Variants in ARSB observed in about 807,000 individuals in gnomAD.
ARSB encodes N-acetylgalactosamine-4-sulfatase.
A neutral mutation model predicts 50.9 loss-of-function variants in ARSB; 41 were observed. The ratio of observed to expected loss-of-function variants is 0.81; its 90% CI spans 0.63 to 1.04. The LOEUF (loss-of-function observed/expected upper bound fraction) is 1.04. ARSB is among the 50% of genes least tolerant of loss of function. ARSB has a pLI of 0.00. For missense variants in ARSB, 672 were observed against 693.3 expected (o/e 0.97, Z 0.35); for synonymous variants, 269 against 284.8 (o/e 0.94, Z 0.56).
At chr5:78,881,097 T>C (rs1211992481) in intron 5 of ARSB, among the ~76,000 whole-genome samples, 5 of 152,132 alleles carry the variant, frequency 3.3e-5, no homozygotes, top group Non-Finnish European at 7.3e-5. Context: ...CTGGGTATGT[T>C]GATGCATACC....
At chr5:78,952,278 A>G (rs565739836) in intron 4 of ARSB, among the ~76,000 whole-genome samples, 4 of 152,292 alleles carry the variant, frequency 2.6e-5, no homozygotes, top group Non-Finnish European at 5.9e-5. Context: ...ATATTTTTCC[A>G]TTCTCAAATA....
chr5:78,869,155 T>G (rs1223056009), intron 5 of ARSB, among the ~76,000 whole-genome samples: 7 of 139,834 alleles, frequency 5.0e-5, no homozygotes, highest in Non-Finnish European at 7.7e-5. Context: ...GCACCCAGAT[T>G]CATAAAGCAA....
At chr5:78,927,674 C>G (rs1750115554) in intron 4 of ARSB, among the ~76,000 whole-genome samples, 1 of 152,200 alleles carries the variant, frequency 6.6e-6, no homozygotes, top group African/African-American at 2.4e-5. Flanking sequence ...TCTGATGCCA[C>G]ACTAGCTTGG....
intron 5 of ARSB, among the ~76,000 whole-genome samples, chr5:78,855,830 AT>A (rs1366720911): frequency 2.0e-5 from 3 of 152,078 alleles, no homozygotes; most frequent in African/African-American, 4.8e-5. Context: ...CTCCTAGTTC[AT>A]TCCCAGCTGC....
intron 5 of ARSB, among the ~76,000 whole-genome samples, chr5:78,846,311 C>T (rs1202828966): frequency 2.0e-5 from 3 of 152,090 alleles, no homozygotes; most frequent in African/African-American, 7.2e-5. Flanking sequence ...TGAAACCTGG[C>T]AGTGTGATGC....
intron 1 of ARSB, 86 bp from the exon 2 acceptor site, chr5:78,969,278 C>T (rs1345758481): frequency 5.5e-5 from 77 of 1,395,530 alleles, no homozygotes; most frequent in Non-Finnish European, 7.7e-5. Context: ...CCTTACTGAT[C>T]ATATCTGTTG....
At chr5:78,900,712 C>A (rs538791550) in intron 4 of ARSB, among the ~76,000 whole-genome samples, 2 of 152,194 alleles carry the variant, frequency 1.3e-5, no homozygotes, top group South Asian at 4.1e-4. Flanking sequence ...TGAAATCCTG[C>A]ATTCCTTGAT....
intron 5 of ARSB, among the ~76,000 whole-genome samples, chr5:78,849,181 G>A (rs1341303574): frequency 1.3e-5 from 2 of 151,858 alleles, no homozygotes; most frequent in South Asian, 2.1e-4. Context: ...TTTTCTTCTC[G>A]GGTTTTTATG....
chr5:78,868,240 A>G (rs946366889), intron 5 of ARSB, among the ~76,000 whole-genome samples: 28 of 135,574 alleles, frequency 2.1e-4, no homozygotes, highest in African/African-American at 5.2e-4. Flanking sequence ...AACACTCTGC[A>G]GGATATTATC....
chr5:78,927,782 C>T (rs958882840), intron 4 of ARSB, among the ~76,000 whole-genome samples: 1 of 152,100 alleles, frequency 6.6e-6, no homozygotes, highest in African/African-American at 2.4e-5. Context: ...AACCTGTTAT[C>T]TAAATTGCCT....
At position 78,968,918 on chromosome 5, in the gene ARSB, G is replaced by T. The variant is rs899429776; in HGVS notation, c.499+88C>A. ...GATTCACTCTGTGTTCAAATATCCAGTTCTTTCATTTGATTGCACTTGGGT... is the reference window on the plus strand; with the variant it reads ...GATTCACTCTGTGTTCAAATATCCATTTCTTTCATTTGATTGCACTTGGGT... On this transcript the variant is annotated intron_variant, in intron 2 of 7. Coordinates refer to ENST00000264914, the MANE Select transcript of ARSB (RefSeq NM_000046.5). 6 of 1,433,928 alleles carry T rather than the reference G, an allele frequency of 4.2e-6. No individual in the cohort carries two copies. The East Asian group carries it at 1.1e-4, about 27-fold the overall frequency. 88.8% of individuals were successfully genotyped at this position (1,433,928 alleles called of 1,614,324 possible).
rs181041870 is a variant in ARSB, at chr5:78,967,632, C to T, written c.499+1374G>A. Among the ~76,000 whole-genome samples the T allele has an allele frequency of 3.0e-3, 445 of 149,178 alleles. 1 individual carries two copies. Among genetic ancestry groups the T allele is most frequent in the African/African-American group, 9.8e-3 (396 of 40,378 alleles). ...AGGTTGCAGTGAGCCGAGATCATGACACAGCACTCCAGCCTGGGCAACAGA... is the reference window on the plus strand; with the variant it reads ...AGGTTGCAGTGAGCCGAGATCATGATACAGCACTCCAGCCTGGGCAACAGA... On this transcript the variant is annotated intron_variant, in intron 2 of 7. Transcript: ENST00000264914.
At chr5:78,818,634 CAG>C (rs1458426001) in intron 6 of ARSB, among the ~76,000 whole-genome samples, 24 of 98,998 alleles carry the variant, frequency 2.4e-4, no homozygotes, top group South Asian at 3.6e-4. Flanking sequence ...TTTTTTGAGA[CAG>C]AGTCTCGCTC....
At chr5:78,857,771 C>T (rs938054890) in intron 5 of ARSB, among the ~76,000 whole-genome samples, 1 of 152,122 alleles carries the variant, frequency 6.6e-6, no homozygotes, top group Non-Finnish European at 1.5e-5. Context: ...ATCTTGTTTG[C>T]CATTTGCCAC....
At chr5:78,792,659 G>A (rs780832032) in intron 6 of ARSB, among the ~76,000 whole-genome samples, 12 of 152,120 alleles carry the variant, frequency 7.9e-5, no homozygotes, top group Admixed American at 2.6e-4. Flanking sequence ...GATTCTACAC[G>A]TAGTGAGCAT....
chr5:78,985,748 G>A (rs1753160269), upstream of ARSB: 2 of 152,266 alleles, frequency 1.3e-5, no homozygotes, highest in Admixed American at 6.5e-5. Context: ...TGTCTAGCTA[G>A]CAAGTCATTT....
chr5:78,780,591 T>C lies in ARSB; in HGVS notation c.1408A>G (p.Lys470Glu), dbSNP rs1294467225. 1 of 1,614,088 alleles carries C rather than the reference T, an allele frequency of 6.2e-7. No individual in the cohort carries two copies. The highest frequency in any genetic ancestry group is 1.1e-5 in the South Asian group (1 of 91,080). Residue 470 changes from lysine to glutamate, a missense_variant, in exon 8 of 8, where the codon AAG becomes GAG. By Grantham distance (56) the Lys-to-Glu change is moderately conservative. Transcript: ENST00000264914. ...SEIPSSDPPT[K>E]TLWLFDIDRD... ...TCAATATCAAAGAGCCAGAGGGTCT[T>C]GGTTGGTGGGTCTGATGAGGGTATC...
chr5:78,910,460 C>T (rs1372527044), intron 4 of ARSB, among the ~76,000 whole-genome samples: 3 of 152,202 alleles, frequency 2.0e-5, no homozygotes, highest in East Asian at 1.9e-4. Context: ...TCTATTGTTA[C>T]ATCACATCAT....
chr5:78,803,229 G>A (rs1743459177), intron 6 of ARSB, among the ~76,000 whole-genome samples: 1 of 152,170 alleles, frequency 6.6e-6, no homozygotes, highest in Non-Finnish European at 1.5e-5. Flanking sequence ...CCATGTTGAA[G>A]CTGGAACTCC....
Sources: allele counts gnomAD v4.1 joint callset (sites outside exome capture counted in the v4.1 genomes callset), GRCh38; gene constraint gnomAD v4.1.1; transcripts MANE v1.5; gene names NCBI Gene and HGNC (gene_info 2026-07-23, HGNC 2026-07-21).